Variants in FBXL7 observed in about 807,000 individuals in gnomAD.
The protein encoded by FBXL7 is F-box and leucine rich repeat protein 7.
Under a neutral mutation model 38.3 loss-of-function variants are expected in FBXL7, and 12 were observed. That is an observed-to-expected ratio of 0.31 (90% CI 0.20 to 0.51). FBXL7 has a LOEUF of 0.51. Among genes scored for constraint, FBXL7 ranks in the 20% least tolerant of loss-of-function variants. FBXL7 has a pLI of 0.98. For missense variants in FBXL7, 567 were observed against 676.4 expected, an observed-to-expected ratio of 0.84 and a Z score of 1.79; for synonymous variants, 297 against 300.9, an observed-to-expected ratio of 0.99 and a Z score of 0.13.
chr5:15,861,660 A>G (rs574401924), intron 2 of FBXL7, among the ~76,000 whole-genome samples: 3 of 152,346 alleles, frequency 2.0e-5, no homozygotes, highest in East Asian at 3.9e-4. Context: ...CAGCAGGGAT[A>G]TGAACAGAAG....
chr5:15,661,427 G>A (rs1256679027), intron 2 of FBXL7, among the ~76,000 whole-genome samples: 1 of 151,974 alleles, frequency 6.6e-6, no homozygotes, highest in Non-Finnish European at 1.5e-5. Context: ...AAACTTCTGT[G>A]TAATATTGAC....
intron 2 of FBXL7, among the ~76,000 whole-genome samples, chr5:15,629,469 G>A (rs183066286): frequency 6.6e-5 from 10 of 152,248 alleles, no homozygotes; most frequent in African/African-American, 2.4e-4. Context: ...ATTTTATTAT[G>A]AAGCTTCATT....
chr5:15,646,559 A>G (rs146321263), intron 2 of FBXL7, among the ~76,000 whole-genome samples: 1 of 152,234 alleles, frequency 6.6e-6, no homozygotes, highest in Non-Finnish European at 1.5e-5. Flanking sequence ...GAAATTAGAC[A>G]TTCTCTTTGG....
chr5:15,501,860 A>C, intron 1 of FBXL7: 1 of 347,974 alleles, frequency 2.9e-6, no homozygotes, highest in Non-Finnish European at 3.9e-6. Context: ...CCATATGTGC[A>C]TGTGTATGTG....
At chr5:15,641,502 A>AT (rs201635639) in intron 2 of FBXL7, among the ~76,000 whole-genome samples, 16,192 of 143,190 alleles carry the variant, frequency 0.11, 1,586 homozygotes, top group East Asian at 0.41. Flanking sequence ...TATGACTGCC[A>AT]TTTTTTTTTT....
intron 2 of FBXL7, among the ~76,000 whole-genome samples, chr5:15,850,322 C>T (rs560472101): frequency 3.7e-4 from 57 of 152,210 alleles, no homozygotes; most frequent in South Asian, 1.9e-3. Context: ...ATTTTGTAGA[C>T]GTTATTGTAC....
chr5:15,541,866 CCCTTGTCATTA>C (rs772586629), intron 1 of FBXL7, among the ~76,000 whole-genome samples: 2 of 151,902 alleles, frequency 1.3e-5, no homozygotes, highest in Non-Finnish European at 2.9e-5. Flanking sequence ...GTCTTGGTAG[CCCTTGTCATTA>C]CCTTCTGGTT....
At chr5:15,834,098 A>G (rs932548981) in intron 2 of FBXL7, among the ~76,000 whole-genome samples, 1 of 152,190 alleles carries the variant, frequency 6.6e-6, no homozygotes, top group Non-Finnish European at 1.5e-5. Context: ...TTCTTTTTCC[A>G]GAAAAATGCT....
chr5:15,924,455 A>G (rs542394171), intron 2 of FBXL7, among the ~76,000 whole-genome samples: 57 of 148,178 alleles, frequency 3.8e-4, no homozygotes, highest in Admixed American at 1.9e-3. Context: ...ATCTGTTGCG[A>G]CAGTAATACT....
intron 2 of FBXL7, among the ~76,000 whole-genome samples, chr5:15,830,491 C>CACACAT (rs1738428301): frequency 1.1e-5 from 1 of 90,594 alleles, no homozygotes. Flanking sequence ...CTAAAACACA[C>CACACAT]ACACACACAC....
At chr5:15,696,277 A>G (rs527770776) in intron 2 of FBXL7, among the ~76,000 whole-genome samples, 3 of 152,306 alleles carry the variant, frequency 2.0e-5, no homozygotes, top group African/African-American at 7.2e-5. Flanking sequence ...GATTTCTTAA[A>G]TGTAAAACAA....
intron 1 of FBXL7, among the ~76,000 whole-genome samples, chr5:15,524,239 G>A (rs1354756121): frequency 6.6e-6 from 1 of 152,110 alleles, no homozygotes; most frequent in Non-Finnish European, 1.5e-5. Context: ...ATAGACTTTA[G>A]GATTGATGAC....
At chr5:15,737,877 G>A (rs1735795082) in intron 2 of FBXL7, among the ~76,000 whole-genome samples, 1 of 152,110 alleles carries the variant, frequency 6.6e-6, no homozygotes, top group African/African-American at 2.4e-5. Context: ...ATCAGTTCTG[G>A]ACTTCTGTGT....
chr5:15,773,925 G>C (rs1505034), intron 2 of FBXL7, among the ~76,000 whole-genome samples: 20 of 151,956 alleles, frequency 1.3e-4, no homozygotes, highest in African/African-American at 4.6e-4. Context: ...TGTTCACTGT[G>C]GTTCCATGTT....
At chr5:15,717,951 T>TA (rs35624234) in intron 2 of FBXL7, among the ~76,000 whole-genome samples, 108,528 of 152,010 alleles carry the variant, frequency 0.71, 39,260 homozygotes, top group East Asian at 0.88. Context: ...ACATGGACTC[T>TA]ATCTATGTTA....
chr5:15,822,657 G>A (rs2126765617), intron 2 of FBXL7, among the ~76,000 whole-genome samples: 1 of 142,170 alleles, frequency 7.0e-6, no homozygotes, highest in South Asian at 2.2e-4. Context: ...AGGGCGTTAA[G>A]GTTAGTATAG....
chr5:15,664,179 C>A (rs952204194), intron 2 of FBXL7, among the ~76,000 whole-genome samples: 2 of 152,022 alleles, frequency 1.3e-5, no homozygotes, highest in Non-Finnish European at 2.9e-5. Flanking sequence ...AATTAGCTTA[C>A]CACCATCTAC....
chr5:15,769,917 C>CT (rs1003268765), intron 2 of FBXL7, among the ~76,000 whole-genome samples: 13 of 152,076 alleles, frequency 8.5e-5, no homozygotes. Context: ...ACCTTTGAAA[C>CT]TTTTTTTGTA....
intron 2 of FBXL7, among the ~76,000 whole-genome samples, chr5:15,653,433 T>C (rs1243263055): frequency 6.6e-6 from 1 of 152,202 alleles, no homozygotes; most frequent in Non-Finnish European, 1.5e-5. Context: ...GACTTCACAG[T>C]ATATCTGAAT....
Sources: allele counts gnomAD v4.1 joint callset (sites outside exome capture counted in the v4.1 genomes callset), GRCh38; gene constraint gnomAD v4.1.1; transcripts MANE v1.5; gene names NCBI Gene and HGNC (gene_info 2026-07-23, HGNC 2026-07-21).